SLC12A4: variants seen among roughly 807,000 people sequenced by gnomAD.
SLC12A4 encodes the protein electroneutral potassium-chloride cotransporter 1.
A neutral mutation model predicts 119.2 loss-of-function variants in SLC12A4; 84 were observed. The ratio of observed to expected loss-of-function variants is 0.70; its 90% CI spans 0.59 to 0.85. The LOEUF is 0.85. Ranked by LOEUF, SLC12A4 falls within the 40% of genes least tolerant of loss-of-function variation. The pLI, the probability that SLC12A4 is intolerant of heterozygous loss-of-function variation, is 0.00. For synonymous variants in SLC12A4, 599 were observed against 604.6 expected, an observed-to-expected ratio of 0.99 and a Z score of 0.14; for missense variants, 1,298 against 1,476.3, an observed-to-expected ratio of 0.88 and a Z score of 1.98.
chr16:67,964,671 G>A (rs2030780198), intron 1 of SLC12A4, among the ~76,000 whole-genome samples: 1 of 152,152 alleles, frequency 6.6e-6, no homozygotes, highest in African/African-American at 2.4e-5. Flanking sequence ...TCCAGTGATG[G>A]AGATGGCAAC....
intron 3 of SLC12A4, among the ~76,000 whole-genome samples, chr16:67,959,284 G>A (rs2030439660): frequency 1.3e-5 from 2 of 152,202 alleles, no homozygotes; most frequent in Non-Finnish European, 2.9e-5. Context: ...CCTCCGAAGT[G>A]TGGCCCTGAC....
intron 1 of SLC12A4, among the ~76,000 whole-genome samples, chr16:67,966,495 T>G (rs1033545816): frequency 3.9e-5 from 6 of 152,380 alleles, no homozygotes; most frequent in Middle Eastern, 3.4e-3. Flanking sequence ...CAACTGTGAC[T>G]GCACCAGTGG....
chr16:67,948,267 A>C, intron 13 of SLC12A4, 108 bp from the exon 14 acceptor site: 1 of 982,680 alleles, frequency 1.0e-6, no homozygotes, highest in Admixed American at 2.1e-5. Context: ...CCTGCCCTGC[A>C]TGGCTCAGCA....
chr16:67,961,747 T>G, intron 2 of SLC12A4, 41 bp from the exon 3 acceptor site: 1 of 1,611,494 alleles, frequency 6.2e-7, no homozygotes, highest in Non-Finnish European at 8.5e-7. Context: ...TTGGGCCAGG[T>G]GGGTGCCAGC....
rs1323256956 is a variant in SLC12A4, at chr16:67,947,742, C to G, written c.1894G>C (p.Val632Leu). The G allele has an allele frequency of 2.5e-6, 4 of 1,600,894 alleles. No homozygotes were observed. The highest frequency in any genetic ancestry group is 2.6e-6 in the Non-Finnish European group (3 of 1,174,100). The change falls in exon 15 of 24, where the codon GTC (valine) becomes CTC (leucine). Residue 632 changes from valine (V) to leucine (L), a missense_variant. Val to Leu is a conservative substitution (Grantham distance 32). Transcript: ENST00000316341. ...GMSLCLALMF[V>L]SSWYYALVAM... ...ACCAGGGCATAGTACCAGGAGGAGACAAACATAAGGGCCAGGCAGAGACTC... is the reference window on the plus strand; with the variant it reads ...ACCAGGGCATAGTACCAGGAGGAGAGAAACATAAGGGCCAGGCAGAGACTC...
rs762215777 is a variant in SLC12A4, at chr16:67,954,702, A to G, written c.616T>C (p.Tyr206His). 9 of 1,614,206 alleles carry G rather than the reference A, an allele frequency of 5.6e-6. No individual in the cohort carries two copies. In the Middle Eastern group the frequency reaches 6.6e-4, roughly 118 times the overall value. Reference sequence around the variant, plus strand: ...GCTGCTGCGAATGTTGTTCCCAGGTAGAAGCACAGGCCCACAGCACCTCCA... The same window carrying G: ...GCTGCTGCGAATGTTGTTCCCAGGTGGAAGCACAGGCCCACAGCACCTCCA... ...EFGGAVGLCFYLGTTFAAAMY... is the reference protein window; with the variant it reads ...EFGGAVGLCFHLGTTFAAAMY... Residue 206 changes from tyrosine (Y) to histidine (H), a missense_variant, in exon 6 of 24, where the codon TAC (tyrosine) becomes CAC (histidine). Transcript: ENST00000316341.
At chr16:67,948,000 C>G in intron 14 of SLC12A4, 61 bp downstream of exon 14, 11 of 1,571,674 alleles carry the variant, frequency 7.0e-6, no homozygotes, top group Non-Finnish European at 7.9e-6. Context: ...GAAACCCAAG[C>G]CTCACCCAGA....
chr16:67,966,626 A>T, intron 1 of SLC12A4: 1 of 1,286,174 alleles, frequency 7.8e-7, no homozygotes, highest in Non-Finnish European at 1.1e-6. Context: ...GAGCAAGCCC[A>T]TCTAGGCCTC....
At position 67,951,146 on chromosome 16, in the gene SLC12A4, C is replaced by T. The variant is rs1352710877; in HGVS notation, c.1291G>A (p.Val431Ile). The T allele has an allele frequency of 6.2e-7, 1 of 1,613,914 alleles. No homozygotes were observed. Among genetic ancestry groups the T allele is most frequent in the Non-Finnish European group, 8.5e-7 (1 of 1,179,894 alleles). The part of the protein sequence containing the change: ...TVLVGIFFPS[V>I]TGIMAGSNRS... ...GTAGGCAGGCAGGGCTCACCTGTTA[C>T]AGAAGGGAAGAAGATGCCGACCAGC... The change falls in exon 9 of 24, where the codon GTA (valine) becomes ATA (isoleucine). Residue 431 changes from valine (V) to isoleucine (I), a missense_variant. Transcript: ENST00000316341. The surrounding 1 kb of genome is among the most constrained non-coding windows in gnomAD (Gnocchi z 5.2).
Position 67,949,842 on chromosome 16 carries a change from A to G in SLC12A4, c.1706T>C (p.Ile569Thr), listed in dbSNP as rs62059925. 5,151 of 1,610,386 alleles carry G rather than the reference A, an allele frequency of 3.2e-3. 18 individuals carry two copies. Among genetic ancestry groups the G allele is most frequent in the Non-Finnish European group, 3.5e-3 (4,147 of 1,178,334 alleles). Residue 569 changes from isoleucine to threonine, a missense_variant, in exon 13 of 24, where the codon ATC becomes ACC. By Grantham distance (89) the Ile-to-Thr change is moderately conservative (BLOSUM62 -1). Transcript: ENST00000316341. This position sits in a 1 kb window ranked among gnomAD's most constrained non-coding sequence, Gnocchi z 4.6. ...CACCATGTCGAGGGAGGCGATGAGG[A>G]TGCCCAGCTCGGCGATGAGTGCCGT... is the stretch of plus-strand genomic sequence containing the variant. ...LLTALIAELG[I>T]LIASLDMVAP...
In SLC12A4 at chr16:67,944,708, A is replaced by G. The variant is rs2058320033; in HGVS notation, c.*132T>C. On this transcript the variant is annotated 3_prime_UTR_variant, in exon 24 of 24. Coordinates refer to ENST00000316341, the MANE Select transcript of SLC12A4 (RefSeq NM_005072.5). This position sits in a 1 kb window ranked among gnomAD's most constrained non-coding sequence, Gnocchi z 6.6. ...GGCCTGGTTTCCAAGGAGACCTAGC[A>G]AAGCTGGGTCCAGGACAGGGCCAGG... 3.5e-6 allele frequency: 5 copies of G among 1,442,350 alleles called. No individual in the cohort carries two copies. Among genetic ancestry groups the G allele is most frequent in the Admixed American group, 2.7e-5 (1 of 37,270 alleles). The allele number at this position is 1,442,350 out of a possible 1,614,324, so 89.3% of individuals were successfully genotyped here.
At chr16:67,966,117 C>G (rs1295301367) in intron 1 of SLC12A4, among the ~76,000 whole-genome samples, 1 of 152,220 alleles carries the variant, frequency 6.6e-6, no homozygotes, top group African/African-American at 2.4e-5. Context: ...GGGAGACATG[C>G]TTACTCCCTG....
At chr16:67,946,832 G>T in intron 17 of SLC12A4, 105 bp downstream of exon 17, 1 of 1,374,606 alleles carries the variant, frequency 7.3e-7, no homozygotes. Context: ...AGCAGTGCTG[G>T]CTGCCTGGCT....
At position 67,950,394 on chromosome 16, in the gene SLC12A4, A is replaced by G. The variant is rs779247063; in HGVS notation, c.1554T>C (p.Ala518=). ...GTGCCCCTGTGAGGCTCTGGAGGCC[A>G]GCGCCACACGTTGAAAAGAAGGAGC... ...VIGSFFSTCG[A]GLQSLTGAPR... is the part of the protein sequence containing the mutation. Residue 518 remains alanine (A), a synonymous_variant, in exon 12 of 24, where the codon GCT becomes GCC. Transcript: ENST00000316341. The surrounding 1 kb of genome is among the most constrained non-coding windows in gnomAD (Gnocchi z 4.3). The G allele has an allele frequency of 6.2e-7, 1 of 1,614,024 alleles. No individual in the cohort carries two copies. Among genetic ancestry groups the G allele is most frequent in the Non-Finnish European group, 8.5e-7 (1 of 1,180,006 alleles).
In SLC12A4 at chr16:67,947,663, A is replaced by G. The variant is rs1039770055; in HGVS notation, c.1967+6T>C. 6.3e-7 allele frequency: 1 copy of G among 1,594,726 alleles called. No individual in the cohort carries two copies. Among genetic ancestry groups the G allele is most frequent in the Non-Finnish European group, 8.5e-7 (1 of 1,171,166 alleles). On this transcript the variant is annotated splice_donor_region_variant and intron_variant, in intron 15 of 23. Coordinates refer to ENST00000316341, the MANE Select transcript of SLC12A4 (RefSeq NM_005072.5). ...TGGCAGAGGCCAGGTGGCAGTGCTC[A>G]CTCACCCTTGGTACTCGATGTATTT...
chr16:67,968,039 T>G (rs1364339267), intron 1 of SLC12A4, among the ~76,000 whole-genome samples: 2 of 152,036 alleles, frequency 1.3e-5, no homozygotes, highest in African/African-American at 2.4e-5. Flanking sequence ...GCAAAGACGC[T>G]GAATCTCAAA....
chr16:67,946,399 A>G, intron 18 of SLC12A4, 39 bp downstream of exon 18: 3 of 1,602,900 alleles, frequency 1.9e-6, no homozygotes, highest in Non-Finnish European at 2.5e-6. Context: ...CTGCCACCTC[A>G]CTTCACCCCT....
chr16:67,954,027 G>A, intron 6 of SLC12A4: 1 of 212,112 alleles, frequency 4.7e-6, no homozygotes, highest in Non-Finnish European at 1.0e-5. Flanking sequence ...CAGCCAGGCA[G>A]TCCCTCCAGG....
rs1430941468 is a variant in SLC12A4 at position 67,951,877 on chromosome 16, T to C, written c.1078A>G (p.Asn360Asp). The C allele has an allele frequency of 1.9e-6, 3 of 1,613,690 alleles. No individual in the cohort carries two copies. The highest frequency in any genetic ancestry group is 2.2e-5 in the East Asian group (1 of 44,900). The change falls in exon 8 of 24, where the codon AAC (asparagine) becomes GAC (aspartate). Residue 360 changes from asparagine (N) to aspartate (D), a missense_variant. Asn to Asp is a conservative substitution (Grantham distance 23). Coordinates refer to ENST00000316341, the MANE Select transcript of SLC12A4 (RefSeq NM_005072.5). The surrounding 1 kb of genome is among the most constrained non-coding windows in gnomAD (Gnocchi z 5.2). ...TDSCDPYFML[N>D]NVTEIPGIPG... ...ATGCCAGGGATCTCGGTCACATTGT[T>C]GAGCATGAAGTAGGGGTCACAGGAG...
Sources: allele counts gnomAD v4.1 joint callset (sites outside exome capture counted in the v4.1 genomes callset), GRCh38; gene constraint gnomAD v4.1.1; non-coding constraint Gnocchi (gnomAD v3.1); transcripts MANE v1.5; gene names NCBI Gene and HGNC (gene_info 2026-07-23, HGNC 2026-07-21).